Variants in NXPH1 observed in about 807,000 individuals in gnomAD.
NXPH1 encodes neurexophilin-1.
NXPH1 carries 5 observed loss-of-function variants against 23.7 expected under a neutral mutation model. That is an observed-to-expected ratio of 0.21 (90% CI 0.11 to 0.44). The LOEUF is 0.44. NXPH1 is among the 20% of genes least tolerant of loss of function. NXPH1 has a pLI of 0.99. For synonymous variants in NXPH1, 144 were observed against 122.2 expected (o/e 1.18, Z -1.18); for missense variants, 324 against 321.6 (o/e 1.01, Z -0.06).
chr7:8,457,576 TGAAAG>T (rs1359284923), intron 2 of NXPH1, among the ~76,000 whole-genome samples: 1 of 151,224 alleles, frequency 6.6e-6, no homozygotes, highest in African/African-American at 2.5e-5. Flanking sequence ...AAAAAAAACT[TGAAAG>T]GAGCCTCAGA....
chr7:8,447,913 G>A (rs141750268), intron 2 of NXPH1, among the ~76,000 whole-genome samples: 4 of 152,276 alleles, frequency 2.6e-5, no homozygotes, highest in African/African-American at 7.2e-5. Context: ...CAAACTTCCA[G>A]CCAGGTGGAT....
intron 2 of NXPH1, among the ~76,000 whole-genome samples, chr7:8,548,696 G>T (rs894964887): frequency 1.3e-5 from 2 of 151,496 alleles, no homozygotes; most frequent in African/African-American, 4.8e-5. Flanking sequence ...TCTTAACACA[G>T]CTTTGCTGCT....
At chr7:8,507,554 C>G (rs1355078000) in intron 2 of NXPH1, among the ~76,000 whole-genome samples, 1 of 152,092 alleles carries the variant, frequency 6.6e-6, no homozygotes, top group East Asian at 1.9e-4. Context: ...ATGAATCCTT[C>G]TAGTAGTTCC....
At chr7:8,572,031 C>G (rs760821590) in intron 2 of NXPH1, among the ~76,000 whole-genome samples, 1 of 151,972 alleles carries the variant, frequency 6.6e-6, no homozygotes, top group African/African-American at 2.4e-5. Flanking sequence ...TGCAATCACT[C>G]CCCAACTCAG....
At chr7:8,584,802 C>A (rs1162149904) in intron 2 of NXPH1, among the ~76,000 whole-genome samples, 1 of 152,034 alleles carries the variant, frequency 6.6e-6, no homozygotes, top group Admixed American at 6.6e-5. Context: ...CCAAGGTATC[C>A]CATTTCAAAT....
chr7:8,655,849 C>G (rs963295861), intron 2 of NXPH1, among the ~76,000 whole-genome samples: 13 of 152,148 alleles, frequency 8.5e-5, no homozygotes, highest in Admixed American at 7.2e-4. Flanking sequence ...TTTCATATAT[C>G]AACTCCTCTG....
chr7:8,697,387 T>G (rs1779546236), intron 2 of NXPH1, among the ~76,000 whole-genome samples: 1 of 152,080 alleles, frequency 6.6e-6, no homozygotes, highest in African/African-American at 2.4e-5. Flanking sequence ...GTGTGACCAG[T>G]TAGGTGTCCT....
chr7:8,533,697 T>C (rs1028665563), intron 2 of NXPH1, among the ~76,000 whole-genome samples: 1 of 152,130 alleles, frequency 6.6e-6, no homozygotes, highest in African/African-American at 2.4e-5. Context: ...AGAAATTCTT[T>C]CTGTAAATAA....
chr7:8,451,813 C>A (rs967571387), intron 2 of NXPH1, among the ~76,000 whole-genome samples: 2 of 152,154 alleles, frequency 1.3e-5, no homozygotes, highest in Non-Finnish European at 2.9e-5. Flanking sequence ...TGAGAAAGGT[C>A]GATCATGAGC....
chr7:8,586,748 C>T (rs957194231), intron 2 of NXPH1, among the ~76,000 whole-genome samples: 13 of 151,608 alleles, frequency 8.6e-5, no homozygotes, highest in Admixed American at 4.6e-4. Flanking sequence ...TTTTGCATTC[C>T]AGTTGGAATA....
chr7:8,734,575 G>A (rs561694735), intron 2 of NXPH1, among the ~76,000 whole-genome samples: 10 of 152,058 alleles, frequency 6.6e-5, no homozygotes, highest in South Asian at 4.2e-4. Context: ...TATGATTTCC[G>A]TTCTTTTGTA....
intron 2 of NXPH1, among the ~76,000 whole-genome samples, chr7:8,635,590 A>G (rs557173283): frequency 2.0e-5 from 3 of 152,334 alleles, no homozygotes; most frequent in African/African-American, 7.2e-5. Flanking sequence ...TATGTTAGAT[A>G]GAGAACCATC....
chr7:8,573,366 AG>A (rs1178914346), intron 2 of NXPH1, among the ~76,000 whole-genome samples: 2 of 152,092 alleles, frequency 1.3e-5, no homozygotes, highest in African/African-American at 4.8e-5. Context: ...TTGGGAATTA[AG>A]GGTATAAAAC....
intron 2 of NXPH1, among the ~76,000 whole-genome samples, chr7:8,506,162 G>A (rs1817518524): frequency 6.6e-6 from 1 of 152,022 alleles, no homozygotes; most frequent in African/African-American, 2.4e-5. Context: ...CTATTTTAGT[G>A]CACAATTCAA....
chr7:8,696,358 A>G (rs1779504289), intron 2 of NXPH1, among the ~76,000 whole-genome samples: 1 of 152,244 alleles, frequency 6.6e-6, no homozygotes, highest in South Asian at 2.1e-4. Context: ...GACTAATTTC[A>G]TCAAGGTTCT....
At chr7:8,740,153 G>C (rs1386541169) in intron 2 of NXPH1, among the ~76,000 whole-genome samples, 2 of 152,186 alleles carry the variant, frequency 1.3e-5, no homozygotes, top group Non-Finnish European at 2.9e-5. Context: ...TTCTCCTTCA[G>C]GGTTTCATAA....
At chr7:8,482,332 A>G (rs1387076940) in intron 2 of NXPH1, among the ~76,000 whole-genome samples, 1 of 151,598 alleles carries the variant, frequency 6.6e-6, no homozygotes, top group East Asian at 1.9e-4. Flanking sequence ...CCTTTCTAAC[A>G]TCCATTTCCC....
chr7:8,443,923 C>T (rs777398159), intron 2 of NXPH1, among the ~76,000 whole-genome samples: 36 of 152,302 alleles, frequency 2.4e-4, no homozygotes, highest in African/African-American at 8.4e-4. Context: ...CTACCTCCCT[C>T]GCCGCTTGCC....
chr7:8,737,376 C>A (rs1583254309), intron 2 of NXPH1, among the ~76,000 whole-genome samples: 1 of 152,254 alleles, frequency 6.6e-6, no homozygotes, highest in South Asian at 2.1e-4. Context: ...ATTTTTATTT[C>A]TTCTTCACTT....
Sources: allele counts gnomAD v4.1 joint callset (sites outside exome capture counted in the v4.1 genomes callset), GRCh38; gene constraint gnomAD v4.1.1; transcripts MANE v1.5; gene names NCBI Gene and HGNC (gene_info 2026-07-23, HGNC 2026-07-21).